Variants in HTR2C observed in about 807,000 individuals in gnomAD.
HTR2C encodes the protein 5-hydroxytryptamine receptor 2C.
In HTR2C, 5 loss-of-function variants were observed where a neutral mutation model predicts 21.0. That is an observed-to-expected ratio of 0.24 (90% confidence interval 0.12 to 0.50). The LOEUF is 0.50. Among genes scored for constraint, HTR2C ranks in the 20% least tolerant of loss-of-function variants. HTR2C has a pLI of 0.98. For missense variants in HTR2C, 271 were observed against 371.2 expected, an observed-to-expected ratio of 0.73 and a Z score of 2.22; for synonymous variants, 150 against 145.3, an observed-to-expected ratio of 1.03 and a Z score of -0.23.
chrX:114,905,733 T>C (rs1556486442), intron 5 of HTR2C, among the ~76,000 whole-genome samples: 1 of 111,957 alleles, frequency 8.9e-6, no homozygotes. Flanking sequence ...CTTGAAGACC[T>C]ACTGTGGTTA....
chrX:114,781,808 G>A (rs1179642436), intron 4 of HTR2C, among the ~76,000 whole-genome samples: 7 of 44,356 alleles, frequency 1.6e-4, no homozygotes, highest in African/African-American at 5.5e-4. Flanking sequence ...AGTCAACCCC[G>A]CCGTCTAAAA....
At chrX:114,900,306 C>T (rs782727352) in intron 5 of HTR2C, 98 of 183,763 alleles carry the variant, frequency 5.3e-4, no homozygotes, top group Non-Finnish European at 9.5e-4. Context: ...ACCATTCTTC[C>T]ACCACTGATT....
intron 1 of HTR2C, among the ~76,000 whole-genome samples, chrX:114,607,306 C>T (rs1262172760): frequency 9.0e-6 from 1 of 111,730 alleles, no homozygotes; most frequent in African/African-American, 3.3e-5. Context: ...CAATGTTTGA[C>T]CATGATAAAG....
chrX:114,761,741 G>A (rs1002674292), intron 4 of HTR2C, among the ~76,000 whole-genome samples: 26 of 108,148 alleles, frequency 2.4e-4, no homozygotes, highest in Non-Finnish European at 3.1e-4. Context: ...AAACTCCAAA[G>A]TCCTTGTTTG....
intron 4 of HTR2C, among the ~76,000 whole-genome samples, chrX:114,827,927 AT>A (rs1240556274): frequency 1.3e-4 from 14 of 106,071 alleles, no homozygotes; most frequent in Non-Finnish European, 1.6e-4. Flanking sequence ...TCTAGGTATG[AT>A]TTTTTTTTTG....
chrX:114,604,511 C>T (rs781856969), intron 1 of HTR2C, among the ~76,000 whole-genome samples: 3 of 109,816 alleles, frequency 2.7e-5, no homozygotes, highest in East Asian at 5.8e-4. Flanking sequence ...ACCCGAAGCT[C>T]GGCATCTGTG....
chrX:114,818,979 C>T (rs1313256536), intron 4 of HTR2C, among the ~76,000 whole-genome samples: 2 of 111,415 alleles, frequency 1.8e-5, no homozygotes, highest in African/African-American at 3.3e-5. Context: ...CTTTTCTACT[C>T]CAATGTGCAT....
Position 114,853,114 on chromosome X carries a change from A to T in HTR2C, c.550+4911A>T, listed in dbSNP as rs1432498709. ...TAAGTGAGAAATGTTACCTCAGTGT[A>T]ATTTTAATTTGCATCTATTTTATTT... On this transcript the variant is annotated intron_variant, in intron 5 of 5. Transcript: ENST00000276198. Among the ~76,000 whole-genome samples, 4 of 111,247 alleles carry T rather than the reference A, an allele frequency of 3.6e-5. No homozygotes were observed. In the Admixed American group the frequency reaches 3.9e-4, roughly 11 times the overall value.
intron 4 of HTR2C, among the ~76,000 whole-genome samples, chrX:114,839,597 C>T (rs782065650): frequency 5.8e-4 from 64 of 110,773 alleles, no homozygotes; most frequent in African/African-American, 1.9e-3. Context: ...TGAGATAAGA[C>T]GATTGTTTGA....
intron 2 of HTR2C, among the ~76,000 whole-genome samples, chrX:114,726,498 T>C (rs1298945050): frequency 8.9e-6 from 1 of 112,791 alleles, no homozygotes; most frequent in Non-Finnish European, 1.9e-5. Context: ...CGCTGGGAGC[T>C]GTAGACCGGA....
chrX:114,623,169 C>G (rs1345422521), intron 2 of HTR2C, among the ~76,000 whole-genome samples: 1 of 111,905 alleles, frequency 8.9e-6, no homozygotes, highest in Non-Finnish European at 1.9e-5. Context: ...CACAACATTC[C>G]AATGACTGGT....
chrX:114,895,673 G>T lies in HTR2C; in HGVS notation c.551-10916G>T, dbSNP rs189017044. 4.2e-3 allele frequency among the ~76,000 whole-genome samples: 461 copies of T among 110,026 alleles called. 4 individuals carry two copies. Among genetic ancestry groups the T allele is most frequent in the African/African-American group, 0.013 (397 of 30,262 alleles). ...ATTTTAACCATTCTTTCTTCTTTTT[G>T]AATATTGACATTTAGTGTTAAAATT... On this transcript the variant is annotated intron_variant, in intron 5 of 5. Transcript: ENST00000276198.
chrX:114,634,857 T>G, intron 2 of HTR2C, among the ~76,000 whole-genome samples: 1 of 111,953 alleles, frequency 8.9e-6, no homozygotes, highest in Non-Finnish European at 1.9e-5. Context: ...CTTATCATTA[T>G]TTTTCAGTGA....
intron 3 of HTR2C, among the ~76,000 whole-genome samples, chrX:114,729,869 G>A (rs955514070): frequency 1.8e-5 from 2 of 111,413 alleles, no homozygotes; most frequent in Non-Finnish European, 3.8e-5. Context: ...ATTTCAGAAA[G>A]AATCATCCTT....
At chrX:114,717,211 AGAG>A (rs1229856373) in intron 2 of HTR2C, among the ~76,000 whole-genome samples, 6 of 110,611 alleles carry the variant, frequency 5.4e-5, no homozygotes, top group African/African-American at 2.0e-4. Context: ...AGCTAGGACC[AGAG>A]GCACACGCCA....
intron 2 of HTR2C, among the ~76,000 whole-genome samples, chrX:114,656,639 G>T (rs1276427664): frequency 9.0e-6 from 1 of 110,744 alleles, no homozygotes; most frequent in Non-Finnish European, 1.9e-5. Context: ...CAAGTCTCAG[G>T]TAATTTTTTT....
chrX:114,699,203 A>G (rs1412104193), intron 2 of HTR2C, among the ~76,000 whole-genome samples: 2 of 112,189 alleles, frequency 1.8e-5, no homozygotes, highest in East Asian at 2.8e-4. Flanking sequence ...TCATCACACA[A>G]CTATAGCTTT....
intron 2 of HTR2C, among the ~76,000 whole-genome samples, chrX:114,725,893 C>T (rs1305592401): frequency 9.2e-6 from 1 of 108,594 alleles, no homozygotes; most frequent in African/African-American, 3.3e-5. Flanking sequence ...CAGCTGCATG[C>T]TGGGAGAACC....
chrX:114,717,149 G>A (rs782247166), intron 2 of HTR2C, among the ~76,000 whole-genome samples: 3 of 110,354 alleles, frequency 2.7e-5, no homozygotes, highest in Admixed American at 9.8e-5. Context: ...AGGGCTCACT[G>A]CAGCCTCGAC....
Sources: allele counts gnomAD v4.1 joint callset (sites outside exome capture counted in the v4.1 genomes callset), GRCh38; gene constraint gnomAD v4.1.1; transcripts MANE v1.5; gene names NCBI Gene and HGNC (gene_info 2026-07-23, HGNC 2026-07-21).